OPHN1: variants seen among roughly 807,000 people sequenced by gnomAD.
The protein encoded by OPHN1 is oligophrenin-1.
In OPHN1, 11 loss-of-function variants were observed where a neutral mutation model predicts 60.7. That is an observed-to-expected ratio of 0.18 (90% CI 0.11 to 0.30). OPHN1 has a LOEUF of 0.30. Ranked by LOEUF, OPHN1 falls within the 10% of genes least tolerant of loss-of-function variation. The pLI is 1.00. For synonymous variants in OPHN1, 226 were observed against 222.6 expected (o/e 1.02, Z -0.14); for missense variants, 449 against 611.0 (o/e 0.73, Z 2.80).
chrX:68,100,288 TACAC>T (rs201193880), intron 18 of OPHN1, among the ~76,000 whole-genome samples: 1 of 108,636 alleles, frequency 9.2e-6, no homozygotes, highest in African/African-American at 3.4e-5. Flanking sequence ...CACACACACA[TACAC>T]ACACACACAC....
intron 15 of OPHN1, among the ~76,000 whole-genome samples, chrX:68,144,780 T>C (rs1323599161): frequency 8.9e-6 from 1 of 111,894 alleles, no homozygotes; most frequent in African/African-American, 3.2e-5. Context: ...CACAAATTTA[T>C]TGAGTAGCTA....
intron 2 of OPHN1, among the ~76,000 whole-genome samples, chrX:68,327,390 G>A (rs1261930785): frequency 1.4e-4 from 1 of 7,342 alleles, no homozygotes; most frequent in Non-Finnish European, 2.1e-4. Flanking sequence ...GGGTCTGTGT[G>A]GATAGAAGTA....
chrX:68,392,035 C>A (rs1022736582), intron 2 of OPHN1, among the ~76,000 whole-genome samples: 2 of 111,749 alleles, frequency 1.8e-5, no homozygotes, highest in African/African-American at 6.5e-5. Context: ...AATAGGAAAA[C>A]AACAAAAGGT....
intron 15 of OPHN1, among the ~76,000 whole-genome samples, chrX:68,152,933 G>A (rs1215180642): frequency 2.7e-5 from 3 of 110,188 alleles, no homozygotes; most frequent in African/African-American, 6.6e-5. Context: ...TACACAGGCC[G>A]GCTGTGGAGG....
intron 5 of OPHN1, among the ~76,000 whole-genome samples, chrX:68,247,634 C>T (rs1190235062): frequency 2.7e-5 from 3 of 110,346 alleles, no homozygotes; most frequent in Non-Finnish European, 3.8e-5. Flanking sequence ...GAATAAATTG[C>T]CAGGTGGAGC....
chrX:68,225,407 A>G (rs1163134297), intron 6 of OPHN1, among the ~76,000 whole-genome samples: 1 of 112,013 alleles, frequency 8.9e-6, no homozygotes, highest in African/African-American at 3.2e-5. Context: ...AGATCTGAGA[A>G]CGGACAGACT....
chrX:68,218,504 A>T (rs958979857), intron 6 of OPHN1, among the ~76,000 whole-genome samples: 2 of 109,750 alleles, frequency 1.8e-5, no homozygotes, highest in African/African-American at 6.6e-5. Context: ...GAAATGAAGG[A>T]AAAAATGTTA....
intron 5 of OPHN1, among the ~76,000 whole-genome samples, chrX:68,247,065 T>C (rs999080370): frequency 9.0e-6 from 1 of 111,541 alleles, no homozygotes; most frequent in Admixed American, 9.6e-5. Flanking sequence ...ACTTTCTTTG[T>C]ACAAGCTGAG....
At chrX:68,110,016 G>A (rs868311596) in intron 18 of OPHN1, among the ~76,000 whole-genome samples, 1 of 97,556 alleles carries the variant, frequency 1.0e-5, no homozygotes, top group African/African-American at 3.7e-5. Flanking sequence ...TAAAAAAAAA[G>A]CTAACATATC....
chrX:68,048,490 C>G, intron 23 of OPHN1, 33 bp from the exon 24 acceptor site: 1 of 1,181,767 alleles, frequency 8.5e-7, no homozygotes, highest in Non-Finnish European at 1.2e-6. Flanking sequence ...CACTAAGATT[C>G]TAGAAATCAG....
In OPHN1 at chrX:68,144,103, G is replaced by C. The variant is rs1353917266; in HGVS notation, c.1277-24771C>G. ...CAGCTCACTGAAGCCTTGACCTCCTGTGCTTAAGCAATCCTCCCACCTCAG... is the reference window on the plus strand; with the variant it reads ...CAGCTCACTGAAGCCTTGACCTCCTCTGCTTAAGCAATCCTCCCACCTCAG... On this transcript the variant is annotated intron_variant, in intron 15 of 24. Coordinates refer to ENST00000355520, the MANE Select transcript of OPHN1 (RefSeq NM_002547.3). Among the ~76,000 whole-genome samples, 33 of 111,260 alleles carry C rather than the reference G, an allele frequency of 3.0e-4. No individual in the cohort carries two copies. In the Admixed American group the frequency reaches 3.2e-3, roughly 11 times the overall value.
At chrX:68,250,840 T>C (rs1406385226) in intron 5 of OPHN1, among the ~76,000 whole-genome samples, 1 of 111,493 alleles carries the variant, frequency 9.0e-6, no homozygotes, top group Non-Finnish European at 1.9e-5. Context: ...GAAGAGGCCA[T>C]GAGTCATATC....
Position 68,111,892 on chromosome X carries a change from G to A in OPHN1, c.1488C>T (p.Asn496=), listed in dbSNP as rs1160817099. The A allele has an allele frequency of 1.7e-5, 21 of 1,207,335 alleles. No individual in the cohort carries two copies. The highest frequency in any genetic ancestry group is 2.2e-5 in the Non-Finnish European group (20 of 891,838). ...TTATCAGAAGTTCCAGCATCTCTCG[G>A]TTCTTTTCTGGTAGCTTATATACCA... The part of the protein sequence containing the change: ...HSLVYKLPEK[N]REMLELLIRH... Residue 496 remains asparagine (N), a synonymous_variant, in exon 18 of 25, where the codon AAC becomes AAT. Transcript: ENST00000355520.
chrX:68,416,844 C>T (rs886799173), intron 2 of OPHN1, among the ~76,000 whole-genome samples: 1 of 112,139 alleles, frequency 8.9e-6, no homozygotes, highest in East Asian at 2.8e-4. Context: ...TCTTGGAGGG[C>T]TATTCTGTAT....
chrX:68,261,173 T>C (rs765707770), intron 5 of OPHN1, among the ~76,000 whole-genome samples: 1 of 111,300 alleles, frequency 9.0e-6, no homozygotes, highest in Non-Finnish European at 1.9e-5. Context: ...AGTCAGACAA[T>C]TTGGCCCTGG....
chrX:68,217,266 T>C (rs1025059052), intron 6 of OPHN1, among the ~76,000 whole-genome samples: 28 of 112,112 alleles, frequency 2.5e-4, no homozygotes, highest in African/African-American at 8.4e-4. Flanking sequence ...CGCACCTGGC[T>C]CGGAGGATCC....
In OPHN1 at chrX:68,241,470, T is replaced by G. The variant is rs111453680; in HGVS notation, c.385-6882A>C. On this transcript the variant is annotated intron_variant, in intron 5 of 24. Transcript: ENST00000355520. Reference sequence around the variant, plus strand: ...GTCATTACAAATTGTAAGAGAACATTTATTGACCTACAGGGGTATCCATGA... The same window carrying G: ...GTCATTACAAATTGTAAGAGAACATGTATTGACCTACAGGGGTATCCATGA... Among the ~76,000 whole-genome samples the G allele has an allele frequency of 8.6e-3, 966 of 111,739 alleles. 10 individuals are homozygous for G. The highest frequency in any genetic ancestry group is 0.03 in the African/African-American group (922 of 30,815).
chrX:68,074,914 A>T (rs900675298), intron 19 of OPHN1, among the ~76,000 whole-genome samples: 1 of 112,002 alleles, frequency 8.9e-6, no homozygotes, highest in Non-Finnish European at 1.9e-5. Context: ...GTCACCTGAA[A>T]ATACTACTAC....
At chrX:68,227,596 A>C (rs992050202) in intron 6 of OPHN1, among the ~76,000 whole-genome samples, 2 of 111,988 alleles carry the variant, frequency 1.8e-5, no homozygotes, top group African/African-American at 6.5e-5. Flanking sequence ...CTCAGGATTA[A>C]GAAACTCACT....
Sources: gnomAD v4.1 joint callset for allele counts (sites outside exome capture counted in the v4.1 genomes callset) on GRCh38, gnomAD v4.1.1 for gene constraint, MANE v1.5 for transcripts, NCBI Gene and HGNC (gene_info 2026-07-23, HGNC 2026-07-21) for gene names.